The following COL24A1 variants were observed in gnomAD, a reference collection of about 807,000 sequenced individuals.
COL24A1 encodes the protein collagen type XXIV alpha 1 chain, also known as collagen alpha-1(XXIV) chain.
Under a neutral mutation model 253.9 loss-of-function variants are expected in COL24A1, and 224 were observed. The observed-to-expected ratio is 0.88, with a 90% CI of 0.79 to 0.99. The LOEUF (loss-of-function observed/expected upper bound fraction) is 0.99. COL24A1 is among the 50% of genes least tolerant of loss of function. The probability of loss-of-function intolerance (pLI) is 0.00; values close to 1 mark genes in which losing one functional copy is unlikely to be tolerated. For synonymous variants in COL24A1, 685 were observed against 673.7 expected, an observed-to-expected ratio of 1.02 and a Z score of -0.26; for missense variants, 2,131 against 2,068.5, an observed-to-expected ratio of 1.03 and a Z score of -0.59.
intron 19 of COL24A1, among the ~76,000 whole-genome samples, chr1:86,005,370 T>TAA (rs1173733115): frequency 1.5e-5 from 2 of 136,482 alleles, no homozygotes; most frequent in Non-Finnish European, 3.2e-5. Flanking sequence ...CTCCATAAAG[T>TAA]AAAAAAAAAA....
At chr1:85,959,236 T>C in intron 24 of COL24A1, among the ~76,000 whole-genome samples, 1 of 152,084 alleles carries the variant, frequency 6.6e-6, no homozygotes, top group East Asian at 1.9e-4. Flanking sequence ...AAAATAAAAA[T>C]ATTCTTTAGA....
intron 14 of COL24A1, among the ~76,000 whole-genome samples, chr1:86,023,341 A>G (rs1485676710): frequency 2.0e-5 from 3 of 152,142 alleles, no homozygotes; most frequent in Non-Finnish European, 2.9e-5. Context: ...TTTTAGTGCC[A>G]TATTCCCAGG....
intron 6 of COL24A1, among the ~76,000 whole-genome samples, chr1:86,090,910 A>G (rs1278629218): frequency 1.3e-5 from 2 of 152,148 alleles, no homozygotes; most frequent in Non-Finnish European, 2.9e-5. Context: ...TATTTTGCTC[A>G]GAGAAGCCAC....
chr1:85,895,019 ATG>A (rs1179980878), intron 31 of COL24A1, among the ~76,000 whole-genome samples: 1 of 152,150 alleles, frequency 6.6e-6, no homozygotes, highest in African/African-American at 2.4e-5. Flanking sequence ...TTATACATAT[ATG>A]TGTATATAAC....
intron 43 of COL24A1, among the ~76,000 whole-genome samples, chr1:85,827,839 T>A (rs1347556391): frequency 6.6e-6 from 1 of 152,114 alleles, no homozygotes; most frequent in Admixed American, 6.6e-5. Context: ...TTGCTAGTGG[T>A]CTATCAATTT....
At chr1:85,773,018 C>A (rs1668142291) in intron 53 of COL24A1, among the ~76,000 whole-genome samples, 1 of 152,112 alleles carries the variant, frequency 6.6e-6, no homozygotes, top group African/African-American at 2.4e-5. Flanking sequence ...ACATTTAAGT[C>A]TTTGATCCAT....
intron 7 of COL24A1, among the ~76,000 whole-genome samples, chr1:86,075,700 C>G (rs1033171150): frequency 6.6e-6 from 1 of 152,196 alleles, no homozygotes; most frequent in Non-Finnish European, 1.5e-5. Context: ...CCACCATGAT[C>G]AAGTCAGCTT....
Position 86,059,093 on chromosome 1 carries a change from G to T in COL24A1, c.1806+28C>A, listed in dbSNP as rs780678815. 1.6e-5 allele frequency: 24 copies of T among 1,536,028 alleles called. No homozygotes were observed. In the East Asian group the frequency reaches 5.2e-4, roughly 34 times the overall value. ...ATGTATTAATAAATAGGAACACAAA[G>T]AGAAAAGTCTAAATATAGTTACTGC... is the stretch of plus-strand genomic sequence containing the variant. On this transcript the variant is annotated intron_variant, in intron 9 of 59. Coordinates refer to ENST00000370571, the MANE Select transcript of COL24A1 (RefSeq NM_152890.7).
At chr1:85,859,203 A>G (rs1401843098) in intron 37 of COL24A1, among the ~76,000 whole-genome samples, 2 of 152,226 alleles carry the variant, frequency 1.3e-5, no homozygotes, top group Admixed American at 6.5e-5. Flanking sequence ...CTTAATAAAT[A>G]TTTAATGAAT....
At chr1:86,146,737 G>T (rs1182422909) in intron 1 of COL24A1, among the ~76,000 whole-genome samples, 1 of 151,586 alleles carries the variant, frequency 6.6e-6, no homozygotes, top group Non-Finnish European at 1.5e-5. Context: ...ATGATTTTTT[G>T]GTTTTGAAAA....
intron 7 of COL24A1, among the ~76,000 whole-genome samples, chr1:86,083,597 C>T (rs964716026): frequency 2.6e-5 from 4 of 152,154 alleles, no homozygotes; most frequent in East Asian, 1.9e-4. Flanking sequence ...CTAACAATCG[C>T]GCATAATCAT....
chr1:86,102,208 G>T (rs1179679470), intron 5 of COL24A1, among the ~76,000 whole-genome samples: 1 of 151,990 alleles, frequency 6.6e-6, no homozygotes, highest in Admixed American at 6.6e-5. Context: ...ATGGTTACTT[G>T]TATTTCTGTG....
chr1:85,908,695 TTTAAA>T, intron 26 of COL24A1, 44 bp from the exon 27 acceptor site: 1 of 842,996 alleles, frequency 1.2e-6, no homozygotes, highest in African/African-American at 1.8e-5. Context: ...TATTCATGAC[TTTAAA>T]TTATTTTCAT....
chr1:86,123,592 T>G (rs1269716681), intron 3 of COL24A1, among the ~76,000 whole-genome samples: 2 of 151,964 alleles, frequency 1.3e-5, no homozygotes, highest in African/African-American at 4.8e-5. Flanking sequence ...GAATGACTAT[T>G]TTTGAATTTA....
At chr1:86,095,674 T>C (rs1056263784) in intron 5 of COL24A1, among the ~76,000 whole-genome samples, 1 of 152,114 alleles carries the variant, frequency 6.6e-6, no homozygotes, top group African/African-American at 2.4e-5. Context: ...TTTGGAATTA[T>C]ATAAAATACT....
chr1:86,124,312 C>T (rs1413101667), intron 3 of COL24A1, among the ~76,000 whole-genome samples: 1 of 151,818 alleles, frequency 6.6e-6, no homozygotes, highest in African/African-American at 2.4e-5. Context: ...CATAAATTGA[C>T]CATATCACTA....
chr1:85,997,843 GA>G (rs34765379), intron 19 of COL24A1, among the ~76,000 whole-genome samples: 2 of 151,856 alleles, frequency 1.3e-5, no homozygotes, highest in Admixed American at 6.6e-5. Flanking sequence ...GAGATATAAG[GA>G]AAAAAAGAGT....
chr1:86,079,175 G>A (rs1345089555), intron 7 of COL24A1, among the ~76,000 whole-genome samples: 25 of 152,064 alleles, frequency 1.6e-4, no homozygotes, highest in Admixed American at 6.6e-5. Flanking sequence ...ACTCATTTTC[G>A]ACAAAGTTGC....
chr1:85,888,646 G>C (rs927658449), intron 32 of COL24A1, among the ~76,000 whole-genome samples: 2 of 151,986 alleles, frequency 1.3e-5, no homozygotes, highest in Non-Finnish European at 2.9e-5. Flanking sequence ...GAAGGATTTA[G>C]CTTAAAAAAT....
Sources: gnomAD v4.1 joint callset for allele counts (sites outside exome capture counted in the v4.1 genomes callset) on GRCh38, gnomAD v4.1.1 for gene constraint, MANE v1.5 for transcripts, NCBI Gene and HGNC (gene_info 2026-07-23, HGNC 2026-07-21) for gene names.